EXT2: variants seen among roughly 807,000 people sequenced by gnomAD.
EXT2 encodes the protein exostosin-2.
EXT2 carries 53 observed loss-of-function variants against 81.6 expected under a neutral mutation model. The observed-to-expected ratio is 0.65, with a 90% CI of 0.52 to 0.82. EXT2 has a LOEUF of 0.82. EXT2 is among the 40% of genes least tolerant of loss of function. The pLI is 0.00. For synonymous variants in EXT2, 320 were observed against 340.0 expected, an observed-to-expected ratio of 0.94 and a Z score of 0.65; for missense variants, 774 against 910.2, an observed-to-expected ratio of 0.85 and a Z score of 1.93.
At chr11:44,231,251 C>T (rs1022335386) in intron 10 of EXT2, among the ~76,000 whole-genome samples, 2 of 152,076 alleles carry the variant, frequency 1.3e-5, no homozygotes, top group Non-Finnish European at 2.9e-5. Flanking sequence ...GCCAGCAGTA[C>T]TCGCTAATGG....
chr11:44,098,531 A>G (rs1302435531), intron 1 of EXT2, among the ~76,000 whole-genome samples: 5 of 151,886 alleles, frequency 3.3e-5, no homozygotes, highest in African/African-American at 9.7e-5. Flanking sequence ...CGTCTCTACT[A>G]AAAAATACAA....
rs1956100869 is a variant in EXT2, at chr11:44,247,132, C to G, written c.*2845C>G. Reference sequence around the variant, plus strand: ...TGTTTATCTCATGTATTTTACCAACCCTCACACATTTAGGTATAAACCTCC... The same window carrying G: ...TGTTTATCTCATGTATTTTACCAACGCTCACACATTTAGGTATAAACCTCC... On this transcript the variant is annotated 3_prime_UTR_variant, in exon 14 of 14. Transcript: ENST00000533608. Among the ~76,000 whole-genome samples the G allele has an allele frequency of 6.6e-6, 1 of 152,156 alleles. No homozygotes were observed. Among genetic ancestry groups the G allele is most frequent in the Non-Finnish European group, 1.5e-5 (1 of 68,034 alleles).
intron 10 of EXT2, among the ~76,000 whole-genome samples, chr11:44,226,936 C>A (rs1955844218): frequency 6.6e-6 from 1 of 152,246 alleles, no homozygotes; most frequent in South Asian, 2.1e-4. Context: ...GATCTATAGA[C>A]TGCACCCCCA....
intron 10 of EXT2, among the ~76,000 whole-genome samples, chr11:44,226,660 A>T (rs1955841213): frequency 6.6e-6 from 1 of 152,238 alleles, no homozygotes; most frequent in South Asian, 2.1e-4. Context: ...TGTGGAAACC[A>T]GCTCGGAATT....
In EXT2 at chr11:44,130,089, G is replaced by C. The variant is rs1270509963; in HGVS notation, c.1124G>C (p.Ser375Thr). 1 of 1,614,222 alleles carries C rather than the reference G, an allele frequency of 6.2e-7. No homozygotes were observed. The highest frequency in any genetic ancestry group is 1.7e-5 in the Admixed American group (1 of 60,026). Residue 375 changes from serine to threonine, a missense_variant, in exon 7 of 14, where the codon AGT becomes ACT. Transcript: ENST00000533608. Reference sequence around the variant, plus strand: ...GAAGAAAAGATGTCAGATGTGTACAGTATTTTGCAGAGCATCCCCCAAAGA... The same window carrying C: ...GAAGAAAAGATGTCAGATGTGTACACTATTTTGCAGAGCATCCCCCAAAGA... ...VPEEKMSDVY[S>T]ILQSIPQRQI...
At chr11:44,113,403 G>A (rs1261708640) in intron 3 of EXT2, among the ~76,000 whole-genome samples, 1 of 152,138 alleles carries the variant, frequency 6.6e-6, no homozygotes, top group African/African-American at 2.4e-5. Context: ...AGTAAAAGTT[G>A]GTGTGATATA....
Position 44,248,968 on chromosome 11 carries a change from TTTTGTTTG to T in EXT2, c.*4697_*4704del, listed in dbSNP as rs536692561. ...TTGCAACCATTTCAGGGTAGAGTTTTTTTGTTTGTTTGTTTGTTTGTTTTTGTTTTTTT... is the reference window on the plus strand; with the variant it reads ...TTGCAACCATTTCAGGGTAGAGTTTTTTTGTTTGTTTGTTTTTGTTTTTTT... On this transcript the variant is annotated 3_prime_UTR_variant, in exon 14 of 14. Transcript: ENST00000533608. 1.3e-5 allele frequency among the ~76,000 whole-genome samples: 2 copies of T among 151,946 alleles called. No homozygotes were observed. Among genetic ancestry groups the T allele is most frequent in the South Asian group, 2.1e-4 (1 of 4,806 alleles).
rs532578248 is a variant in EXT2 at position 44,099,930 on chromosome 11, A to G, written c.-31+4078A>G. Reference sequence around the variant, plus strand: ...GCTTTTATTCCTCAGAGTTTGATACAGATGTGTGGGAGTTCGCTTAGCTTG... The same window carrying G: ...GCTTTTATTCCTCAGAGTTTGATACGGATGTGTGGGAGTTCGCTTAGCTTG... On this transcript the variant is annotated intron_variant, in intron 1 of 13. Coordinates refer to ENST00000533608, the MANE Select transcript of EXT2 (RefSeq NM_207122.2). Among the ~76,000 whole-genome samples the G allele has an allele frequency of 2.6e-5, 4 of 152,188 alleles. No homozygotes were observed. In the East Asian group the frequency reaches 5.8e-4, roughly 22 times the overall value.
rs753973135 is a variant in EXT2 at position 44,206,803 on chromosome 11, G to A, written c.1506G>A (p.Trp502Ter). 2.5e-6 allele frequency: 4 copies of A among 1,613,872 alleles called. No individual in the cohort carries two copies. In the Admixed American group the frequency reaches 6.7e-5, roughly 27 times the overall value. ...TTTCTCTTTTTCCAGATTCTCTCTGGCCCAAAATCCGGGTTCCATTAAAAG... is the reference window on the plus strand; with the variant it reads ...TTTCTCTTTTTCCAGATTCTCTCTGACCCAAAATCCGGGTTCCATTAAAAG... ...QNKNPPEDSL[W>*]PKIRVPLKVV... The change falls in exon 10 of 14, where the codon TGG becomes TGA. Residue 502 changes from tryptophan to a stop codon, truncating the protein, a stop_gained. Coordinates refer to ENST00000533608, the MANE Select transcript of EXT2 (RefSeq NM_207122.2). LOFTEE classifies it high-confidence loss of function.
intron 7 of EXT2, among the ~76,000 whole-genome samples, chr11:44,142,110 A>G (rs1954654182): frequency 6.6e-6 from 1 of 152,234 alleles, no homozygotes; most frequent in South Asian, 2.1e-4. Context: ...AACATGCTAC[A>G]AATATTGGCA....
intron 10 of EXT2, among the ~76,000 whole-genome samples, chr11:44,212,468 T>C (rs1955662327): frequency 6.6e-6 from 1 of 151,986 alleles, no homozygotes; most frequent in Admixed American, 6.6e-5. Flanking sequence ...AGAATGGCTA[T>C]AAGTAAAATT....
At chr11:44,183,461 G>A (rs1955264622) in intron 8 of EXT2, among the ~76,000 whole-genome samples, 1 of 152,084 alleles carries the variant, frequency 6.6e-6, no homozygotes, top group African/African-American at 2.4e-5. Context: ...AGATTGTTGA[G>A]TTTAAAGGTT....
rs528158481 is a variant in EXT2 at position 44,104,646 on chromosome 11, A to G, written c.-30-3037A>G. 3 of 152,314 alleles carry G rather than the reference A, an allele frequency of 2.0e-5. No homozygotes were observed. The South Asian group carries it at 6.2e-4, about 32-fold the overall frequency. 9.4% of individuals were successfully genotyped at this position (152,314 alleles called of 1,614,324 possible). A position where few individuals can be genotyped will look rare whatever the true frequency, so the allele number is the denominator to read the frequency against. ...TGGGGAACCACTGATTCAAGTATACACATAGACCTTGAGAGCTTCTTGGGA... is the reference window on the plus strand; with the variant it reads ...TGGGGAACCACTGATTCAAGTATACGCATAGACCTTGAGAGCTTCTTGGGA... On this transcript the variant is annotated intron_variant, in intron 1 of 13. Coordinates refer to ENST00000533608, the MANE Select transcript of EXT2 (RefSeq NM_207122.2).
At chr11:44,173,238 T>C (rs1955102818) in intron 8 of EXT2, among the ~76,000 whole-genome samples, 1 of 152,196 alleles carries the variant, frequency 6.6e-6, no homozygotes, top group Admixed American at 6.5e-5. Flanking sequence ...TATGTGCGTA[T>C]GGTAAAAACA....
chr11:44,121,101 G>A (rs1327055057), intron 4 of EXT2, among the ~76,000 whole-genome samples: 4 of 152,192 alleles, frequency 2.6e-5, no homozygotes, highest in Non-Finnish European at 5.9e-5. Context: ...TGTTCACATT[G>A]GGTGGGGAAG....
intron 1 of EXT2, among the ~76,000 whole-genome samples, chr11:44,099,587 G>A (rs1348925183): frequency 6.6e-6 from 1 of 152,178 alleles, no homozygotes; most frequent in East Asian, 1.9e-4. Context: ...CTCCCAAAGT[G>A]CTGGGATTAC....
chr11:44,212,509 G>A (rs1955662806), intron 10 of EXT2, among the ~76,000 whole-genome samples: 1 of 152,046 alleles, frequency 6.6e-6, no homozygotes, highest in African/African-American at 2.4e-5. Flanking sequence ...GTGTTGGTGA[G>A]GCTGTGGAGC....
rs143087334 is a variant in EXT2, at chr11:44,129,912, CT to C, written c.1080-131del. ...AAGAAGGGAGGGGAAAGAGATAATA[CT>C]TACCGGAAGGGATGTGGGGCTGAAG... On this transcript the variant is annotated intron_variant, in intron 6 of 13. Transcript: ENST00000533608. 5.6e-4 allele frequency: 411 copies of C among 739,142 alleles called. 3 individuals are homozygous for C. The East Asian group carries it at 9.7e-3, about 18-fold the overall frequency. 45.8% of individuals were successfully genotyped at this position (739,142 alleles called of 1,614,324 possible).
chr11:44,170,316 C>CT (rs1401481685), intron 7 of EXT2, among the ~76,000 whole-genome samples: 2 of 151,972 alleles, frequency 1.3e-5, no homozygotes, highest in Non-Finnish European at 2.9e-5. Context: ...GCAGGAAGCA[C>CT]TTAAATAGCA....
Sources: allele counts gnomAD v4.1 joint callset (sites outside exome capture counted in the v4.1 genomes callset), GRCh38; gene constraint gnomAD v4.1.1; transcripts MANE v1.5; gene names NCBI Gene and HGNC (gene_info 2026-07-23, HGNC 2026-07-21).